The following RLN2 variants were observed in gnomAD, a reference collection of about 807,000 sequenced individuals.
RLN2 encodes the protein relaxin 2.
Under a neutral mutation model 7.3 loss-of-function variants are expected in RLN2, and 10 were observed. The observed-to-expected ratio is 1.36, with a 90% confidence interval of 0.84 to 2.31. The LOEUF (loss-of-function observed/expected upper bound fraction) is 2.31, where lower values mean the gene tolerates loss of function less well. Ranked by LOEUF, RLN2 falls within the 30% of genes most tolerant of loss-of-function variation. RLN2 has a pLI of 0.00. For missense variants in RLN2, 298 were observed against 217.6 expected (o/e 1.37, Z -2.32); for synonymous variants, 103 against 82.3 (o/e 1.25, Z -1.36).
At chr9:5,331,301 T>C in the RLN2 span, among the ~76,000 whole-genome samples, 1 of 152,030 alleles carries the variant, frequency 6.6e-6, no homozygotes, top group African/African-American at 2.4e-5. Context: ...AAAAGAGATT[T>C]TAGGCCAATA....
chr9:5,309,304 G>T (rs925846340), upstream of RLN2, among the ~76,000 whole-genome samples: 1 of 152,026 alleles, frequency 6.6e-6, no homozygotes, highest in African/African-American at 2.4e-5. Flanking sequence ...TAGAAAATTA[G>T]TCTCTCTAAT....
At chr9:5,321,339 T>C in the RLN2 span, among the ~76,000 whole-genome samples, 1 of 152,066 alleles carries the variant, frequency 6.6e-6, no homozygotes, top group Non-Finnish European at 1.5e-5. Context: ...TGCACATGGC[T>C]TTCCCCTCAT....
chr9:5,301,660 G>A (rs996445769), intron 1 of RLN2, among the ~76,000 whole-genome samples: 38 of 152,236 alleles, frequency 2.5e-4, no homozygotes, highest in Non-Finnish European at 4.7e-4. Flanking sequence ...ATCTAAGTGC[G>A]GGAGGCAGAC....
upstream of RLN2, among the ~76,000 whole-genome samples, chr9:5,305,432 A>G (rs1422307000): frequency 2.0e-5 from 3 of 151,618 alleles, no homozygotes; most frequent in South Asian, 4.2e-4. Context: ...GAGAGAAGAA[A>G]AAAAAGCAGT....
At chr9:5,335,501 G>C in the RLN2 span, 2 of 1,613,180 alleles carry the variant, frequency 1.2e-6, no homozygotes, top group South Asian at 2.2e-5. Flanking sequence ...TTGCCTCTCA[G>C]ATAGGGCTGC....
At chr9:5,310,636 A>C in the RLN2 span, among the ~76,000 whole-genome samples, 2 of 152,042 alleles carry the variant, frequency 1.3e-5, no homozygotes, top group Non-Finnish European at 1.5e-5. Context: ...ACTCTTTTTG[A>C]ACTATTTTTA....
chr9:5,335,107 T>C, the RLN2 span: 1 of 525,486 alleles, frequency 1.9e-6, no homozygotes, highest in Non-Finnish European at 3.3e-6. Flanking sequence ...CAAAGAATAT[T>C]TTCTTACACA....
chr9:5,313,984 G>A, the RLN2 span, among the ~76,000 whole-genome samples: 1 of 151,892 alleles, frequency 6.6e-6, no homozygotes, highest in African/African-American at 2.4e-5. Flanking sequence ...GCAGGGAAAA[G>A]GTAAGGAAGA....
the RLN2 span, among the ~76,000 whole-genome samples, chr9:5,330,474 T>C: frequency 6.6e-6 from 1 of 150,948 alleles, no homozygotes; most frequent in Non-Finnish European, 1.5e-5. Flanking sequence ...CCATCTCTAC[T>C]AAAAATACAA....
the RLN2 span, among the ~76,000 whole-genome samples, chr9:5,319,543 A>G: frequency 6.6e-6 from 1 of 152,030 alleles, no homozygotes; most frequent in Admixed American, 6.6e-5. Flanking sequence ...ATTCATGCAC[A>G]AATACATTAA....
the RLN2 span, among the ~76,000 whole-genome samples, chr9:5,311,021 G>A: frequency 6.6e-6 from 1 of 151,992 alleles, no homozygotes; most frequent in African/African-American, 2.4e-5. Context: ...AACAAATGTG[G>A]TTCTAGCAAG....
At chr9:5,326,419 T>C in the RLN2 span, among the ~76,000 whole-genome samples, 48 of 152,060 alleles carry the variant, frequency 3.2e-4, 1 homozygote, top group Non-Finnish European at 5.6e-4. Flanking sequence ...CCCACTGCCA[T>C]AGGCAGACCA....
In RLN2 at chr9:5,304,558, T is replaced by A. The variant is rs1816204621; in HGVS notation, c.23A>T (p.His8Leu). ...CAGTAGTAAACAGACTCCTAGCAGG[T>A]GGAAAAAAAACAGGCGAGGCATCCT... MPRLFFF[H>L]LLGVCLLLNQ... The change falls in exon 1 of 2, where the codon CAC becomes CTC. Residue 8 changes from histidine (H) to leucine (L), a missense_variant. Coordinates refer to ENST00000381627, the MANE Select transcript of RLN2 (RefSeq NM_134441.3). 1.2e-6 allele frequency: 2 copies of A among 1,613,418 alleles called. No individual in the cohort carries two copies. Among genetic ancestry groups the A allele is most frequent in the Non-Finnish European group, 1.7e-6 (2 of 1,179,830 alleles).
the RLN2 span, among the ~76,000 whole-genome samples, chr9:5,317,715 T>C: frequency 1.3e-5 from 2 of 151,774 alleles, no homozygotes; most frequent in South Asian, 4.2e-4. Flanking sequence ...ACCAAAATTC[T>C]AGAGAAAAAT....
chr9:5,300,239 T>C lies in RLN2; in HGVS notation c.417A>G (p.Glu139=), dbSNP rs1249527502. The C allele has an allele frequency of 1.2e-6, 2 of 1,614,064 alleles. No individual in the cohort carries two copies. The highest frequency in any genetic ancestry group is 1.7e-6 in the Non-Finnish European group (2 of 1,179,946). The stretch of plus-strand genomic sequence containing the variant: ...ATTCTGAAGGACTGCTGTCTGCGGC[T>C]TCACTTTGTCTATTGCGAATAAGTT... ...FKKLIRNRQS[E]AADSSPSELK... is the part of the protein sequence containing the mutation. Residue 139 remains glutamate, a synonymous_variant, in exon 2 of 2, where the codon GAA becomes GAG. Transcript: ENST00000381627.
At chr9:5,336,714 G>C in the RLN2 span, among the ~76,000 whole-genome samples, 2 of 151,954 alleles carry the variant, frequency 1.3e-5, no homozygotes, top group Admixed American at 1.3e-4. Flanking sequence ...CTCAGATCAG[G>C]TCTTGCTGCT....
At chr9:5,337,401 T>C in the RLN2 span, among the ~76,000 whole-genome samples, 2 of 152,094 alleles carry the variant, frequency 1.3e-5, no homozygotes, top group Admixed American at 6.5e-5. Context: ...CTTTTAGCTA[T>C]GGAACCTAGG....
chr9:5,335,567 G>A, the RLN2 span: 3 of 1,609,890 alleles, frequency 1.9e-6, no homozygotes, highest in African/African-American at 2.7e-5. Flanking sequence ...TATAGTTTCT[G>A]TATCTTTGTT....
chr9:5,303,105 A>G (rs1383717746), intron 1 of RLN2, among the ~76,000 whole-genome samples: 1 of 40,548 alleles, frequency 2.5e-5, no homozygotes, highest in Admixed American at 3.0e-4. Flanking sequence ...TTATCACTAA[A>G]TTCCTAGACG....
Sources: allele counts gnomAD v4.1 joint callset (sites outside exome capture counted in the v4.1 genomes callset), GRCh38; gene constraint gnomAD v4.1.1; transcripts MANE v1.5; gene names NCBI Gene and HGNC (gene_info 2026-07-23, HGNC 2026-07-21).